Variants in MACROD2 observed in about 807,000 individuals in gnomAD.
MACROD2 encodes mono-ADP ribosylhydrolase 2, also known as ADP-ribose glycohydrolase MACROD2.
MACROD2 carries 36 observed loss-of-function variants against 70.4 expected under a neutral mutation model. That is an observed-to-expected ratio of 0.51 (90% CI 0.39 to 0.68). The LOEUF (loss-of-function observed/expected upper bound fraction) is 0.68. Among genes scored for constraint, MACROD2 ranks in the 30% least tolerant of loss-of-function variants. The pLI is 0.00. For missense variants in MACROD2, 496 were observed against 538.4 expected (o/e 0.92, Z 0.78); for synonymous variants, 172 against 178.8 (o/e 0.96, Z 0.30).
intron 3 of MACROD2, among the ~76,000 whole-genome samples, chr20:14,368,904 A>G (rs1418513628): frequency 6.6e-6 from 1 of 152,218 alleles, no homozygotes; most frequent in Non-Finnish European, 1.5e-5. Flanking sequence ...AACTTCTTCA[A>G]CACTTTGCTA....
intron 8 of MACROD2, among the ~76,000 whole-genome samples, chr20:15,551,955 T>C (rs1290876174): frequency 1.3e-5 from 2 of 152,166 alleles, no homozygotes; most frequent in East Asian, 3.8e-4. Flanking sequence ...TAAGCACTTA[T>C]TACTTTCATA....
intron 8 of MACROD2, among the ~76,000 whole-genome samples, chr20:15,730,389 A>G (rs1406594238): frequency 6.6e-6 from 1 of 152,192 alleles, no homozygotes; most frequent in African/African-American, 2.4e-5. Context: ...AGGTGGGTCT[A>G]GTGGTAACAA....
chr20:14,808,819 C>G (rs528532607), intron 5 of MACROD2, among the ~76,000 whole-genome samples: 1 of 150,560 alleles, frequency 6.6e-6, no homozygotes, highest in South Asian at 2.1e-4. Flanking sequence ...TTTAAACCAG[C>G]AAAGATCAAA....
intron 4 of MACROD2, among the ~76,000 whole-genome samples, chr20:14,502,121 A>T (rs2084921217): frequency 6.6e-6 from 1 of 152,204 alleles, no homozygotes; most frequent in Non-Finnish European, 1.5e-5. Flanking sequence ...CAAGCAAAAT[A>T]CTGCAGGTCA....
Position 15,862,754 on chromosome 20 carries a change from A to G in MACROD2, c.655A>G (p.Ile219Val). 1.2e-6 allele frequency: 2 copies of G among 1,612,322 alleles called. No individual in the cohort carries two copies. Among genetic ancestry groups the G allele is most frequent in the Non-Finnish European group, 1.7e-6 (2 of 1,179,314 alleles). ...LAKNHHEVDR[I>V]IFCVFLEVDF... ...TATCTTTTGCCTCTAGGTGGATCGGATCATTTTCTGTGTCTTCTTAGAAGT... is the reference window on the plus strand; with the variant it reads ...TATCTTTTGCCTCTAGGTGGATCGGGTCATTTTCTGTGTCTTCTTAGAAGT... Residue 219 changes from isoleucine to valine, a missense_variant, in exon 9 of 18, where the codon ATC becomes GTC. Transcript: ENST00000684519.
intron 8 of MACROD2, among the ~76,000 whole-genome samples, chr20:15,671,069 C>T (rs1269972893): frequency 6.6e-6 from 1 of 152,198 alleles, no homozygotes; most frequent in East Asian, 1.9e-4. Context: ...CAGCTGATCT[C>T]TGCCTGGGCT....
intron 8 of MACROD2, among the ~76,000 whole-genome samples, chr20:15,550,772 T>C (rs2146586469): frequency 6.6e-6 from 1 of 152,300 alleles, no homozygotes; most frequent in South Asian, 2.1e-4. Flanking sequence ...TAAATGATTG[T>C]ACATGGATTT....
intron 3 of MACROD2, among the ~76,000 whole-genome samples, chr20:14,378,998 A>C (rs1440726223): frequency 6.6e-6 from 1 of 152,294 alleles, no homozygotes; most frequent in African/African-American, 2.4e-5. Flanking sequence ...CTACCCTAGA[A>C]TCTCAGATGC....
intron 5 of MACROD2, among the ~76,000 whole-genome samples, chr20:15,189,587 A>G (rs1378469583): frequency 1.3e-5 from 2 of 152,164 alleles, no homozygotes; most frequent in Non-Finnish European, 2.9e-5. Context: ...AACTACTTTA[A>G]GCTAGTGTGT....
intron 4 of MACROD2, among the ~76,000 whole-genome samples, chr20:14,661,414 T>C (rs972359531): frequency 5.3e-5 from 8 of 152,198 alleles, no homozygotes; most frequent in African/African-American, 1.7e-4. Context: ...TTTTTTCTTA[T>C]TGAGTTGTTT....
intron 5 of MACROD2, among the ~76,000 whole-genome samples, chr20:14,708,621 T>G (rs865997767): frequency 1.2e-4 from 18 of 152,280 alleles, no homozygotes; most frequent in South Asian, 1.0e-3. Flanking sequence ...TTTGTTTGTT[T>G]GTTGCTTTTA....
intron 6 of MACROD2, among the ~76,000 whole-genome samples, chr20:15,297,213 G>A (rs1365489065): frequency 6.6e-6 from 1 of 152,166 alleles, no homozygotes; most frequent in East Asian, 1.9e-4. Context: ...CCAGGCAGGG[G>A]CTGGGAGAGT....
chr20:13,995,822 T>C lies in MACROD2; in HGVS notation c.46+13T>C, dbSNP rs1434817158. On this transcript the variant is annotated intron_variant, in intron 1 of 17. Coordinates refer to ENST00000684519, the MANE Select transcript of MACROD2 (RefSeq NM_001351661.2). The surrounding 1 kb of genome is among the most constrained non-coding windows in gnomAD (Gnocchi z 4.3). ...AGAGAGGAGAAAGGTAACCGGCCCG[T>C]CGAGTCCTGGGGGTGCGGGCGGTGG... 7.3e-7 allele frequency: 1 copy of C among 1,376,214 alleles called. No homozygotes were observed. Among genetic ancestry groups the C allele is most frequent in the East Asian group, 3.5e-5 (1 of 28,782 alleles). 85.3% of individuals were successfully genotyped at this position (1,376,214 alleles called of 1,614,324 possible). A position where few individuals can be genotyped will look rare whatever the true frequency, so the allele number is the denominator to read the frequency against.
intron 9 of MACROD2, among the ~76,000 whole-genome samples, chr20:15,869,215 A>C (rs1386687250): frequency 2.9e-5 from 1 of 34,734 alleles, no homozygotes; most frequent in South Asian, 2.2e-3. Flanking sequence ...ATTAACATAT[A>C]TATATATATA....
intron 3 of MACROD2, among the ~76,000 whole-genome samples, chr20:14,202,965 T>G (rs181394350): frequency 1.0e-3 from 157 of 152,154 alleles, no homozygotes; most frequent in Non-Finnish European, 1.0e-4. Context: ...GAGAATCACT[T>G]AAACCCATGA....
intron 3 of MACROD2, among the ~76,000 whole-genome samples, chr20:14,336,785 C>T (rs2082945214): frequency 1.3e-5 from 2 of 152,120 alleles, no homozygotes; most frequent in East Asian, 3.9e-4. Flanking sequence ...GAGTGTCTCC[C>T]CCTCCTCTGA....
chr20:15,142,458 G>A (rs903594337), intron 5 of MACROD2, among the ~76,000 whole-genome samples: 1 of 152,084 alleles, frequency 6.6e-6, no homozygotes, highest in Non-Finnish European at 1.5e-5. Flanking sequence ...TGAAATGTAA[G>A]TTTAGTTATG....
chr20:15,659,342 A>ATTTTTTT (rs2049783667), intron 8 of MACROD2, among the ~76,000 whole-genome samples: 1 of 93,368 alleles, frequency 1.1e-5, no homozygotes. Flanking sequence ...TTGTCTCTTG[A>ATTTTTTT]TAGAATTAGG....
chr20:14,640,388 A>G (rs1985022720), intron 4 of MACROD2, among the ~76,000 whole-genome samples: 1 of 152,132 alleles, frequency 6.6e-6, no homozygotes, highest in Non-Finnish European at 1.5e-5. Context: ...GGGAAGATTC[A>G]CTCAGAGATT....
Sources: allele counts gnomAD v4.1 joint callset (sites outside exome capture counted in the v4.1 genomes callset), GRCh38; gene constraint gnomAD v4.1.1; non-coding constraint Gnocchi (gnomAD v3.1); transcripts MANE v1.5; gene names NCBI Gene and HGNC (gene_info 2026-07-23, HGNC 2026-07-21).